Variants in EPCAM observed in about 807,000 individuals in gnomAD.
The protein encoded by EPCAM is adenocarcinoma-associated antigen.
EPCAM carries 39 observed loss-of-function variants against 40.0 expected under a neutral mutation model. That is an observed-to-expected ratio of 0.98 (90% CI 0.76 to 1.27). The LOEUF is 1.27. EPCAM is among the 50% of genes most tolerant of loss of function. The probability of loss-of-function intolerance (pLI) is 0.00; values close to 1 mark genes in which losing one functional copy is unlikely to be tolerated. For missense variants in EPCAM, 503 were observed against 381.2 expected (o/e 1.32, Z -2.66); for synonymous variants, 168 against 132.3 (o/e 1.27, Z -1.85).
At chr2:47,383,377 C>T (rs1443125923) in intron 7 of EPCAM, 1 of 151,338 alleles carries the variant, frequency 6.6e-6, no homozygotes, top group Admixed American at 6.6e-5. Flanking sequence ...GATCTCGGCT[C>T]ACTGCAGCCT....
At position 47,373,725 on chromosome 2, in the gene EPCAM, C is replaced by T. The variant is rs902987682; in HGVS notation, c.185-83C>T. 6 of 1,579,498 alleles carry T rather than the reference C, an allele frequency of 3.8e-6. No individual in the cohort carries two copies. The Admixed American group carries it at 5.2e-5, about 14-fold the overall frequency. On this transcript the variant is annotated intron_variant, in intron 2 of 8. Transcript: ENST00000263735. Reference sequence around the variant, plus strand: ...CATAAATTTCAAATAATCTTTGACCCTGGAACTTTAGAGTTAATTTTTTTT... The same window carrying T: ...CATAAATTTCAAATAATCTTTGACCTTGGAACTTTAGAGTTAATTTTTTTT...
At chr2:47,384,455 C>G (rs1228224688) in intron 7 of EPCAM, among the ~76,000 whole-genome samples, 1 of 151,664 alleles carries the variant, frequency 6.6e-6, no homozygotes, top group African/African-American at 2.4e-5. Flanking sequence ...ACTCTGTCGC[C>G]CAGGCTGGAG....
intron 2 of EPCAM, 39 bp from the exon 3 acceptor site, chr2:47,373,769 C>G (rs1388401156): frequency 5.6e-6 from 9 of 1,612,644 alleles, no homozygotes; most frequent in Non-Finnish European, 7.6e-6. Context: ...ATCATGAAAT[C>G]AGTTATTTTT....
At chr2:47,381,978 G>C (rs556842562) in intron 7 of EPCAM, among the ~76,000 whole-genome samples, 1 of 152,144 alleles carries the variant, frequency 6.6e-6, no homozygotes, top group African/African-American at 2.4e-5. Flanking sequence ...TGGCTGCCGA[G>C]GCTGGGCTTG....
At chr2:47,375,757 G>A (rs982612754) in intron 4 of EPCAM, among the ~76,000 whole-genome samples, 7 of 149,822 alleles carry the variant, frequency 4.7e-5, no homozygotes, top group South Asian at 2.1e-4. Context: ...CCAGGCTGGC[G>A]TGCAGTGGCG....
chr2:47,371,138 C>T (rs894411627), intron 1 of EPCAM, among the ~76,000 whole-genome samples: 1 of 152,176 alleles, frequency 6.6e-6, no homozygotes, highest in Non-Finnish European at 1.5e-5. Context: ...CATCACCACA[C>T]CCGGCCTTAA....
chr2:47,375,799 G>A (rs906980441), intron 4 of EPCAM, among the ~76,000 whole-genome samples: 5 of 151,332 alleles, frequency 3.3e-5, no homozygotes, highest in Non-Finnish European at 5.9e-5. Context: ...TGCGCCTGCC[G>A]GTTTCAAGCG....
Position 47,378,747 on chromosome 2 carries a change from G to A in EPCAM, c.556-206G>A, listed in dbSNP as rs796067119. ...TGTAATTATGTTTGGTTGCATGGCTGTCTTATTTCCCTTTGATAGATTTAG... is the reference window on the plus strand; with the variant it reads ...TGTAATTATGTTTGGTTGCATGGCTATCTTATTTCCCTTTGATAGATTTAG... On this transcript the variant is annotated intron_variant, in intron 5 of 8. Coordinates refer to ENST00000263735, the MANE Select transcript of EPCAM (RefSeq NM_002354.3). 2.6e-4 allele frequency among the ~76,000 whole-genome samples: 40 copies of A among 152,264 alleles called. 1 individual carries two copies. The highest frequency in any genetic ancestry group is 9.6e-4 in the African/African-American group (40 of 41,562).
At chr2:47,384,142 C>T (rs1230066886) in intron 7 of EPCAM, among the ~76,000 whole-genome samples, 2 of 151,904 alleles carry the variant, frequency 1.3e-5, no homozygotes, top group East Asian at 1.9e-4. Flanking sequence ...CCTTCTGTTG[C>T]CCAGGCTGGA....
In EPCAM at chr2:47,379,040, T is replaced by A. The variant is rs750826481; in HGVS notation, c.643T>A (p.Tyr215Asn). The change falls in exon 6 of 9, where the codon TAT becomes AAT. Residue 215 changes from tyrosine (Y) to asparagine (N), a missense_variant. Tyr to Asn is a moderately radical substitution (Grantham distance 143). Coordinates refer to ENST00000263735, the MANE Select transcript of EPCAM (RefSeq NM_002354.3). ...TGTGGACATAGCTGATGTGGCTTATTATTTTGAAAAAGATGTGAGTATCAT... is the reference window on the plus strand; with the variant it reads ...TGTGGACATAGCTGATGTGGCTTATAATTTTGAAAAAGATGTGAGTATCAT... Reference protein sequence around the residue: ...NDVDIADVAYYFEKDVKGESL... With the variant: ...NDVDIADVAYNFEKDVKGESL... 2.4e-5 allele frequency: 38 copies of A among 1,577,104 alleles called. No individual in the cohort carries two copies. The highest frequency in any genetic ancestry group is 3.2e-5 in the Non-Finnish European group (37 of 1,146,550).
intron 1 of EPCAM, among the ~76,000 whole-genome samples, chr2:47,371,634 C>T (rs763886544): frequency 1.3e-5 from 2 of 152,182 alleles, no homozygotes; most frequent in African/African-American, 4.8e-5. Context: ...GTCATAGCTG[C>T]TACAGGTTTG....
chr2:47,372,661 A>T (rs1398099767), intron 1 of EPCAM, among the ~76,000 whole-genome samples: 1 of 152,046 alleles, frequency 6.6e-6, no homozygotes, highest in African/African-American at 2.4e-5. Context: ...AGTCCCAGCT[A>T]CTTGGGAGGC....
chr2:47,375,715 T>TC (rs1205076605), intron 4 of EPCAM, among the ~76,000 whole-genome samples: 1 of 151,788 alleles, frequency 6.6e-6, no homozygotes, highest in Non-Finnish European at 1.5e-5. Flanking sequence ...AAATTTTTTT[T>TC]TTTTTTTTTA....
chr2:47,373,307 G>T (rs1671330371), intron 1 of EPCAM, among the ~76,000 whole-genome samples, 156 bp from the exon 2 acceptor site: 1 of 150,164 alleles, frequency 6.7e-6, no homozygotes, highest in South Asian at 2.1e-4. Context: ...AGGCACTTAG[G>T]CAGTAGTCTA....
Position 47,369,424 on chromosome 2 carries a change from C to A in EPCAM, c.-82C>A. 2 of 1,289,804 alleles carry A rather than the reference C, an allele frequency of 1.6e-6. No individual in the cohort carries two copies. The highest frequency in any genetic ancestry group is 1.0e-6 in the Non-Finnish European group (1 of 998,390). 79.9% of individuals were successfully genotyped at this position (1,289,804 alleles called of 1,614,324 possible). On this transcript the variant is annotated 5_prime_UTR_variant, in exon 1 of 9. Transcript: ENST00000263735. ...CCCAGGCCTCGCGCTGCCCGGCCGG[C>A]TCCTCGTGTCCCACTCCCGGCGCAC...
Position 47,378,939 on chromosome 2 carries a change from A to T in EPCAM, c.556-14A>T, listed in dbSNP as rs376155665. 4 of 1,153,782 alleles carry T rather than the reference A, an allele frequency of 3.5e-6. No individual in the cohort carries two copies. The South Asian group carries it at 3.7e-5, about 11-fold the overall frequency. The allele number at this position is 1,153,782 out of a possible 1,614,324, so 71.5% of individuals were successfully genotyped here. A position where few individuals can be genotyped will look rare whatever the true frequency, so the allele number is the denominator to read the frequency against. On this transcript the variant is annotated splice_polypyrimidine_tract_variant and intron_variant, in intron 5 of 8. Coordinates refer to ENST00000263735, the MANE Select transcript of EPCAM (RefSeq NM_002354.3). ...TATTAGTATTAATTTGTATTATTCA[A>T]TTTTTTTCCCCAGTATGAGAATAAT...
At chr2:47,384,432 G>A (rs1377051360) in intron 7 of EPCAM, among the ~76,000 whole-genome samples, 2 of 151,320 alleles carry the variant, frequency 1.3e-5, no homozygotes, top group Non-Finnish European at 1.5e-5. Flanking sequence ...TTTTTTTTTA[G>A]AGATGGAGTC....
intron 5 of EPCAM, 152 bp downstream of exon 5, chr2:47,377,229 GT>G (rs200587697): frequency 1.0e-4 from 67 of 661,702 alleles, no homozygotes; most frequent in Non-Finnish European, 1.3e-4. Context: ...TCCTGTTACT[GT>G]TTTTTTTTGT....
chr2:47,372,822 G>C (rs1671310159), intron 1 of EPCAM, among the ~76,000 whole-genome samples: 1 of 151,996 alleles, frequency 6.6e-6, no homozygotes, highest in African/African-American at 2.4e-5. Flanking sequence ...TACTTAGCAG[G>C]ACAGGACTGT....
Sources: gnomAD v4.1 joint callset for allele counts (sites outside exome capture counted in the v4.1 genomes callset) on GRCh38, gnomAD v4.1.1 for gene constraint, MANE v1.5 for transcripts, NCBI Gene and HGNC (gene_info 2026-07-23, HGNC 2026-07-21) for gene names.